METTL13: variants seen among roughly 807,000 people sequenced by gnomAD.
METTL13 encodes methyltransferase 13, eEF1A N-terminus and K55.
In METTL13, 52 loss-of-function variants were observed where a neutral mutation model predicts 67.4. The ratio of observed to expected loss-of-function variants is 0.77; its 90% confidence interval spans 0.62 to 0.97. The LOEUF is 0.97. Among genes scored for constraint, METTL13 ranks in the 50% least tolerant of loss-of-function variants. The pLI, the probability that METTL13 is intolerant of heterozygous loss-of-function variation, is 0.00. For synonymous variants in METTL13, 354 were observed against 353.6 expected, an observed-to-expected ratio of 1.00 and a Z score of -0.01; for missense variants, 825 against 889.6, an observed-to-expected ratio of 0.93 and a Z score of 0.92.
intron 4 of METTL13, among the ~76,000 whole-genome samples, chr1:171,788,522 T>C (rs1654354405): frequency 6.6e-6 from 1 of 152,164 alleles, no homozygotes; most frequent in African/African-American, 2.4e-5. Flanking sequence ...TCAACAGCCA[T>C]AGGGGGCTAG....
chr1:171,797,696 A>G lies in METTL13; in HGVS notation c.*940A>G, dbSNP rs1362910059. The G allele has an allele frequency of 6.6e-6, 1 of 152,252 alleles. No homozygotes were observed. Among genetic ancestry groups the G allele is most frequent in the African/African-American group, 2.4e-5 (1 of 41,462 alleles). 9.4% of individuals were successfully genotyped at this position (152,252 alleles called of 1,614,324 possible). A position where few individuals can be genotyped will look rare whatever the true frequency, so the allele number is the denominator to read the frequency against. On this transcript the variant is annotated 3_prime_UTR_variant, in exon 8 of 8. Coordinates refer to ENST00000361735, the MANE Select transcript of METTL13 (RefSeq NM_015935.5). ...CAATCTTAACCATTTATTCAGAACC[A>G]TTAAACCAATGATTCCAAGACTGGC...
chr1:171,788,904 G>A (rs1313551540), intron 4 of METTL13, among the ~76,000 whole-genome samples: 1 of 152,214 alleles, frequency 6.6e-6, no homozygotes, highest in African/African-American at 2.4e-5. Flanking sequence ...TGAGGTCATA[G>A]ACTGGCTCTG....
Position 171,785,865 on chromosome 1 carries a change from G to C in METTL13, c.914-14G>C, listed in dbSNP as rs1042607548. 1.9e-6 allele frequency: 3 copies of C among 1,611,454 alleles called. No individual in the cohort carries two copies. The South Asian group carries it at 3.3e-5, about 18-fold the overall frequency. ...ACTTTCCAGGACTCCCTGTAACCAA[G>C]TTCTTTTTTCTAGTCCCTCAGGGCC... On this transcript the variant is annotated splice_polypyrimidine_tract_variant and intron_variant, in intron 2 of 7. Transcript: ENST00000361735.
intron 3 of METTL13, 150 bp from the exon 4 acceptor site, chr1:171,787,585 A>G: frequency 1.5e-6 from 1 of 660,846 alleles, no homozygotes; most frequent in Non-Finnish European, 2.5e-6. Context: ...GGCTCCAGAA[A>G]AGTACTTTAA....
Position 171,787,587 on chromosome 1 carries a change from G to T in METTL13, c.1114-148G>T, listed in dbSNP as rs1462295506. 4.5e-6 allele frequency: 3 copies of T among 672,664 alleles called. No individual in the cohort carries two copies. In the South Asian group the frequency reaches 6.4e-5, roughly 14 times the overall value. The allele number at this position is 672,664 out of a possible 1,614,324, so 41.7% of individuals were successfully genotyped here. On this transcript the variant is annotated intron_variant, in intron 3 of 7. Coordinates refer to ENST00000361735, the MANE Select transcript of METTL13 (RefSeq NM_015935.5). Reference sequence around the variant, plus strand: ...AGATCAGTTCAAAGGCTCCAGAAAAGTACTTTAATAGAATGGCAAATCTGT... The same window carrying T: ...AGATCAGTTCAAAGGCTCCAGAAAATTACTTTAATAGAATGGCAAATCTGT...
chr1:171,789,615 G>A (rs186114306), intron 4 of METTL13, among the ~76,000 whole-genome samples: 10 of 152,212 alleles, frequency 6.6e-5, no homozygotes, highest in Admixed American at 5.2e-4. Context: ...TAAAAGTTAC[G>A]GTATAGTAAT....
rs2029863178 is a variant in METTL13, at chr1:171,796,960, C to T, written c.*204C>T. ...CCTTCCCATCTTGTCCTCTTCAGTA[C>T]CACTTGGGTTGGTTTGTCTTTGCTT... On this transcript the variant is annotated 3_prime_UTR_variant, in exon 8 of 8. Transcript: ENST00000361735. The T allele has an allele frequency of 1.1e-5, 7 of 639,860 alleles. No individual in the cohort carries two copies. The highest frequency in any genetic ancestry group is 1.8e-5 in the Non-Finnish European group (7 of 388,876). The allele number at this position is 639,860 out of a possible 1,614,324, so 39.6% of individuals were successfully genotyped here. A position where few individuals can be genotyped will look rare whatever the true frequency, so the allele number is the denominator to read the frequency against.
Position 171,783,818 on chromosome 1 carries a change from G to T in METTL13, c.232G>T (p.Asp78Tyr). 1 of 1,614,160 alleles carries T rather than the reference G, an allele frequency of 6.2e-7. No individual in the cohort carries two copies. The highest frequency in any genetic ancestry group is 8.5e-7 in the Non-Finnish European group (1 of 1,180,034). ...DVGYRDIVNI[D>Y]ISEVVIKQMK... ...GGGCTATCGGGATATAGTGAACATC[G>T]ACATCAGTGAGGTTGTCATCAAGCA... The change falls in exon 2 of 8, where the codon GAC (aspartate) becomes TAC (tyrosine). Residue 78 changes from aspartate to tyrosine, a missense_variant. By Grantham distance (160) the Asp-to-Tyr change is radical. Coordinates refer to ENST00000361735, the MANE Select transcript of METTL13 (RefSeq NM_015935.5).
intron 7 of METTL13, among the ~76,000 whole-genome samples, chr1:171,796,157 G>A (rs921904095): frequency 6.6e-6 from 1 of 152,152 alleles, no homozygotes; most frequent in Non-Finnish European, 1.5e-5. Context: ...ATGAGCCACC[G>A]TGCCCAGCTG....
chr1:171,789,858 A>G (rs369684947), intron 4 of METTL13, among the ~76,000 whole-genome samples: 13 of 151,994 alleles, frequency 8.6e-5, no homozygotes, highest in African/African-American at 3.1e-4. Context: ...TAGGGGGGGC[A>G]CATCCTAATT....
intron 1 of METTL13, among the ~76,000 whole-genome samples, chr1:171,782,577 A>T (rs1571162157): frequency 6.6e-6 from 1 of 151,358 alleles, no homozygotes; most frequent in African/African-American, 2.4e-5. Context: ...AAAAAAAAAA[A>T]CATTTCTTTA....
chr1:171,784,337 C>T lies in METTL13; in HGVS notation c.751C>T (p.Gln251Ter). The part of the protein sequence containing the change: ...RLAEAVQERQ[Q>*]YAWLCSQLRR... ...GGCCGAGGCGGTGCAGGAGCGACAGCAGTATGCCTGGCTGTGCAGCCAGCT... is the reference window on the plus strand; with the variant it reads ...GGCCGAGGCGGTGCAGGAGCGACAGTAGTATGCCTGGCTGTGCAGCCAGCT... Residue 251 changes from glutamine (Q) to a stop codon, truncating the protein, a stop_gained, in exon 2 of 8, where the codon CAG (glutamine) becomes TAG (stop). Coordinates refer to ENST00000361735, the MANE Select transcript of METTL13 (RefSeq NM_015935.5). LOFTEE classifies it high-confidence loss of function. 6.3e-7 allele frequency: 1 copy of T among 1,590,560 alleles called. No homozygotes were observed. The highest frequency in any genetic ancestry group is 1.2e-5 in the South Asian group (1 of 86,860).
chr1:171,791,729 G>A (rs1260516031), intron 5 of METTL13, among the ~76,000 whole-genome samples: 2 of 152,154 alleles, frequency 1.3e-5, no homozygotes, highest in African/African-American at 2.4e-5. Flanking sequence ...CTCCCAAAGT[G>A]CTGGGATTAC....
chr1:171,796,600 G>T lies in METTL13; in HGVS notation c.1944G>T (p.Glu648Asp). The T allele has an allele frequency of 6.2e-7, 1 of 1,614,218 alleles. No individual in the cohort carries two copies. Among genetic ancestry groups the T allele is most frequent in the Non-Finnish European group, 8.5e-7 (1 of 1,180,042 alleles). The change falls in exon 8 of 8, where the codon GAG becomes GAT. Residue 648 changes from glutamate (E) to aspartate (D), a missense_variant. Physicochemically the swap from Glu to Asp is conservative, Grantham distance 45. Transcript: ENST00000361735. Reference sequence around the variant, plus strand: ...GGCGAATTGAGGGTGAAGTGAATGAGATCCTGTTCTGTCAGCTGCACCCTG... The same window carrying T: ...GGCGAATTGAGGGTGAAGTGAATGATATCCTGTTCTGTCAGCTGCACCCTG... ...YVRRIEGEVN[E>D]ILFCQLHPEQ...
chr1:171,784,353 G>T lies in METTL13; in HGVS notation c.767G>T (p.Cys256Phe), dbSNP rs1190146204. 6.3e-7 allele frequency: 1 copy of T among 1,579,046 alleles called. No individual in the cohort carries two copies. Among genetic ancestry groups the T allele is most frequent in the Non-Finnish European group, 8.6e-7 (1 of 1,162,532 alleles). ...VQERQQYAWLCSQLRRKARLG... is the reference protein window; with the variant it reads ...VQERQQYAWLFSQLRRKARLG... ...GAGCGACAGCAGTATGCCTGGCTGT[G>T]CAGCCAGCTGCGCCGCAAGGCCAGG... Residue 256 changes from cysteine (C) to phenylalanine (F), a missense_variant, in exon 2 of 8, where the codon TGC becomes TTC. Cys to Phe is a radical substitution (Grantham distance 205). Transcript: ENST00000361735.
intron 1 of METTL13, among the ~76,000 whole-genome samples, chr1:171,782,484 C>T (rs1355134880): frequency 1.3e-5 from 2 of 151,872 alleles, no homozygotes; most frequent in Non-Finnish European, 2.9e-5. Context: ...GGGAGGATCG[C>T]TTGAGCCCAG....
intron 7 of METTL13, among the ~76,000 whole-genome samples, chr1:171,796,037 T>C (rs1354826982): frequency 6.6e-6 from 1 of 152,102 alleles, no homozygotes; most frequent in Admixed American, 6.5e-5. Context: ...CAGCTAATTT[T>C]TATATTTTTA....
chr1:171,784,473 G>A lies in METTL13; in HGVS notation c.887G>A (p.Arg296Gln), dbSNP rs61733149. The change falls in exon 2 of 8, where the codon CGG (arginine) becomes CAG (glutamine). Residue 296 changes from arginine (R) to glutamine (Q), a missense_variant. By Grantham distance (43) the Arg-to-Gln change is conservative. Transcript: ENST00000361735. ...GACAGCCCCACTGTGAAACCATCGC[G>A]GGACAATCATTTTGCGATTTTCATC... ...VVDSPTVKPS[R>Q]DNHFAIFIIP... 440 of 1,505,246 alleles carry A rather than the reference G, an allele frequency of 2.9e-4. 1 individual carries two copies. The highest frequency in any genetic ancestry group is 9.1e-4 in the Admixed American group (38 of 41,944). The allele number at this position is 1,505,246 out of a possible 1,614,324, so 93.2% of individuals were successfully genotyped here. A position where few individuals can be genotyped will look rare whatever the true frequency, so the allele number is the denominator to read the frequency against.
intron 4 of METTL13, among the ~76,000 whole-genome samples, chr1:171,788,537 T>C (rs1299456582): frequency 1.3e-5 from 2 of 152,182 alleles, no homozygotes; most frequent in African/African-American, 4.8e-5. Context: ...GGCTAGTGGC[T>C]AGTATTGGAC....
Sources: gnomAD v4.1 joint callset for allele counts (sites outside exome capture counted in the v4.1 genomes callset) on GRCh38, gnomAD v4.1.1 for gene constraint, MANE v1.5 for transcripts, NCBI Gene and HGNC (gene_info 2026-07-23, HGNC 2026-07-21) for gene names.